Variants in FHIP1A observed in about 807,000 individuals in gnomAD.
FHIP1A encodes FHF complex subunit HOOK interacting protein 1A, also known as FHF complex subunit HOOK-interacting protein 1A.
Under a neutral mutation model 88.6 loss-of-function variants are expected in FHIP1A, and 61 were observed. The ratio of observed to expected loss-of-function variants is 0.69; its 90% CI spans 0.56 to 0.85. The LOEUF is 0.85. Ranked by LOEUF, FHIP1A falls within the 40% of genes least tolerant of loss-of-function variation. FHIP1A has a pLI of 0.00. For synonymous variants in FHIP1A, 478 were observed against 496.0 expected, an observed-to-expected ratio of 0.96 and a Z score of 0.48; for missense variants, 1,154 against 1,273.5, an observed-to-expected ratio of 0.91 and a Z score of 1.43.
At chr4:151,517,523 C>T (rs1189684154) in intron 3 of FHIP1A, among the ~76,000 whole-genome samples, 3 of 151,962 alleles carry the variant, frequency 2.0e-5, no homozygotes, top group African/African-American at 2.4e-5. Context: ...GTTGTCTTCC[C>T]AGCCCTTTTT....
chr4:151,599,955 A>G (rs1322084408), intron 7 of FHIP1A, among the ~76,000 whole-genome samples: 1 of 152,250 alleles, frequency 6.6e-6, no homozygotes, highest in Non-Finnish European at 1.5e-5. Context: ...AGGAGCTTAT[A>G]GTAGCAGTCA....
chr4:151,635,415 T>C (rs982682460), intron 8 of FHIP1A, among the ~76,000 whole-genome samples: 1 of 151,912 alleles, frequency 6.6e-6, no homozygotes, highest in Non-Finnish European at 1.5e-5. Flanking sequence ...TGAACAGATA[T>C]TTGTACACCC....
chr4:151,438,736 G>A (rs1208905232), intron 1 of FHIP1A, among the ~76,000 whole-genome samples: 1 of 151,002 alleles, frequency 6.6e-6, no homozygotes, highest in African/African-American at 2.4e-5. Flanking sequence ...CCAATTTCTG[G>A]GCTCAAGTGA....
intron 2 of FHIP1A, among the ~76,000 whole-genome samples, chr4:151,458,556 G>A (rs541717650): frequency 3.9e-5 from 6 of 152,198 alleles, no homozygotes; most frequent in African/African-American, 1.4e-4. Context: ...GGGAAAATCA[G>A]ACTAAATGGA....
At chr4:151,600,853 C>T (rs535360539) in intron 7 of FHIP1A, among the ~76,000 whole-genome samples, 1 of 152,236 alleles carries the variant, frequency 6.6e-6, no homozygotes, top group South Asian at 2.1e-4. Flanking sequence ...GCCAAAGAGG[C>T]AAAAGATAGA....
In FHIP1A at chr4:151,577,753, A is replaced by G; in HGVS notation, c.409A>G (p.Lys137Glu). ...TQSHQPLLHH[K>E]PILKPLMMLL... ...GTCGCACCAGCCTCTGCTGCACCAC[A>G]AACCCATTCTGAAGCCTCTGATGAT... Residue 137 changes from lysine (K) to glutamate (E), a missense_variant, in exon 5 of 14, where the codon AAA becomes GAA. Lys to Glu is a moderately conservative substitution (Grantham distance 56, BLOSUM62 1). Coordinates refer to ENST00000435205, the MANE Select transcript of FHIP1A (RefSeq NM_001109977.3). The G allele has an allele frequency of 6.4e-7, 1 of 1,551,882 alleles. No homozygotes were observed.
chr4:151,644,526 A>G (rs1736715761), intron 9 of FHIP1A, among the ~76,000 whole-genome samples: 2 of 151,910 alleles, frequency 1.3e-5, no homozygotes, highest in Non-Finnish European at 1.5e-5. Context: ...TAACTCTTCT[A>G]TGTTTTATAG....
intron 2 of FHIP1A, among the ~76,000 whole-genome samples, chr4:151,462,933 A>G (rs890226154): frequency 6.6e-6 from 1 of 152,186 alleles, no homozygotes; most frequent in Non-Finnish European, 1.5e-5. Flanking sequence ...TTTCAAGGGT[A>G]GTTTTACTAT....
intron 3 of FHIP1A, among the ~76,000 whole-genome samples, chr4:151,540,240 A>G (rs1732235197): frequency 6.6e-6 from 1 of 152,224 alleles, no homozygotes; most frequent in Admixed American, 6.5e-5. Flanking sequence ...TCCCAGTTGC[A>G]ATAGAGTTTC....
chr4:151,636,368 T>C (rs1736352176), intron 8 of FHIP1A, among the ~76,000 whole-genome samples: 2 of 151,988 alleles, frequency 1.3e-5, no homozygotes, highest in Admixed American at 1.3e-4. Flanking sequence ...AGGTAAGATA[T>C]CTTCTCTCCT....
chr4:151,510,262 G>A (rs1213047674), intron 3 of FHIP1A, among the ~76,000 whole-genome samples: 1 of 151,844 alleles, frequency 6.6e-6, no homozygotes, highest in Admixed American at 6.6e-5. Flanking sequence ...ATGCCACTGT[G>A]CCCACTAATA....
At chr4:151,437,000 T>C (rs746415238) in intron 1 of FHIP1A, among the ~76,000 whole-genome samples, 5 of 152,180 alleles carry the variant, frequency 3.3e-5, no homozygotes, top group Non-Finnish European at 7.4e-5. Flanking sequence ...TAGGGAATAA[T>C]GGCAAGTAAA....
In FHIP1A at chr4:151,419,564, C is replaced by T. The variant is rs1425093559; in HGVS notation, c.-356+10099C>T. On this transcript the variant is annotated intron_variant, in intron 1 of 13. Coordinates refer to ENST00000435205, the MANE Select transcript of FHIP1A (RefSeq NM_001109977.3). ...TTGACTGCCATGCTGGTCTGTTCCT[C>T]ATTCTTTTTTTTTTTTTTTTTTTTT... Among the ~76,000 whole-genome samples, 9 of 49,054 alleles carry T rather than the reference C, an allele frequency of 1.8e-4. 1 individual carries two copies. Among genetic ancestry groups the T allele is most frequent in the Admixed American group, 1.1e-3 (5 of 4,440 alleles). The allele number at this position is 49,054 out of a possible 152,430, so 32.2% of individuals were successfully genotyped here.
chr4:151,483,695 A>G (rs1729979479), intron 3 of FHIP1A, among the ~76,000 whole-genome samples: 1 of 152,158 alleles, frequency 6.6e-6, no homozygotes, highest in Admixed American at 6.5e-5. Context: ...ATACCATGGT[A>G]GGATGACTAT....
At chr4:151,617,032 G>A (rs780512853) in intron 7 of FHIP1A, among the ~76,000 whole-genome samples, 2 of 152,188 alleles carry the variant, frequency 1.3e-5, no homozygotes. Flanking sequence ...ACAGGTGTAA[G>A]CCTCTGTGCC....
chr4:151,468,828 G>GGT (rs1223226380), intron 2 of FHIP1A, among the ~76,000 whole-genome samples: 1 of 108,574 alleles, frequency 9.2e-6, no homozygotes, highest in Non-Finnish European at 2.1e-5. Flanking sequence ...TCTGATGGAG[G>GGT]GTTTCCTTAA....
chr4:151,578,203 T>A, intron 5 of FHIP1A, 127 bp downstream of exon 5: 1 of 851,338 alleles, frequency 1.2e-6, no homozygotes, highest in South Asian at 1.8e-5. Flanking sequence ...TATGGAAGGA[T>A]GTTTAGAGGA....
chr4:151,448,776 A>G (rs1053783820), intron 1 of FHIP1A, among the ~76,000 whole-genome samples: 3 of 152,168 alleles, frequency 2.0e-5, no homozygotes, highest in South Asian at 4.1e-4. Context: ...AAATATCTTT[A>G]TGAGTCCCCA....
chr4:151,459,420 T>C (rs1729074314), intron 2 of FHIP1A, among the ~76,000 whole-genome samples: 1 of 151,890 alleles, frequency 6.6e-6, no homozygotes, highest in Non-Finnish European at 1.5e-5. Context: ...CCAGCAAGAG[T>C]GGGTCTAGGG....
Sources: allele counts gnomAD v4.1 joint callset (sites outside exome capture counted in the v4.1 genomes callset), GRCh38; gene constraint gnomAD v4.1.1; transcripts MANE v1.5; gene names NCBI Gene and HGNC (gene_info 2026-07-23, HGNC 2026-07-21).